The following LYRM4 variants were observed in gnomAD, a reference collection of about 807,000 sequenced individuals.
LYRM4 encodes LYR motif containing 4, also known as LYR motif-containing protein 4.
Under a neutral mutation model 11.7 loss-of-function variants are expected in LYRM4, and 9 were observed. The observed-to-expected ratio is 0.77, with a 90% CI of 0.46 to 1.34. The LOEUF (loss-of-function observed/expected upper bound fraction) is 1.34, where lower values mean the gene tolerates loss of function less well. Ranked by LOEUF, LYRM4 falls within the 40% of genes most tolerant of loss-of-function variation. The pLI is 0.00. For missense variants in LYRM4, 133 were observed against 112.5 expected, an observed-to-expected ratio of 1.18 and a Z score of -0.82; for synonymous variants, 42 against 40.4, an observed-to-expected ratio of 1.04 and a Z score of -0.15.
intron 2 of LYRM4, among the ~76,000 whole-genome samples, chr6:5,123,495 C>T (rs1763558563): frequency 6.6e-6 from 1 of 152,236 alleles, no homozygotes; most frequent in Admixed American, 6.5e-5. Flanking sequence ...ATAAGCACTT[C>T]TGGGGGAAGG....
At chr6:5,142,857 T>A (rs1002625371) in intron 2 of LYRM4, among the ~76,000 whole-genome samples, 1 of 152,200 alleles carries the variant, frequency 6.6e-6, no homozygotes, top group Non-Finnish European at 1.5e-5. Flanking sequence ...TGGAATGCCT[T>A]TCCCTAAGGA....
intron 2 of LYRM4, among the ~76,000 whole-genome samples, chr6:5,157,677 C>A (rs549249987): frequency 6.6e-6 from 1 of 151,420 alleles, no homozygotes; most frequent in African/African-American, 2.4e-5. Context: ...AATGAAAACA[C>A]GAAAGATGGC....
chr6:5,043,328 T>A, the LYRM4 span: 3 of 152,248 alleles, frequency 2.0e-5, no homozygotes, highest in South Asian at 2.1e-4. Context: ...AAATTTCAAA[T>A]CTATTTCGTC....
the LYRM4 span, among the ~76,000 whole-genome samples, chr6:5,052,551 C>T: frequency 2.0e-5 from 3 of 152,124 alleles, no homozygotes; most frequent in Non-Finnish European, 4.4e-5. Context: ...GCCTTGGCCT[C>T]CCAAAGTGCT....
chr6:5,206,168 G>A (rs2127711943), intron 2 of LYRM4, among the ~76,000 whole-genome samples: 1 of 152,328 alleles, frequency 6.6e-6, no homozygotes, highest in East Asian at 1.9e-4. Flanking sequence ...ATTCACCAGG[G>A]TGTTTCTGGG....
chr6:5,077,702 A>G, the LYRM4 span, among the ~76,000 whole-genome samples: 1 of 152,204 alleles, frequency 6.6e-6, no homozygotes, highest in Admixed American at 6.5e-5. Context: ...ACTATATTCT[A>G]TTGGTCCCTT....
At chr6:5,222,112 T>C (rs1459637144) in intron 1 of LYRM4, among the ~76,000 whole-genome samples, 1 of 152,230 alleles carries the variant, frequency 6.6e-6, no homozygotes, top group Admixed American at 6.5e-5. Context: ...TTTCTGATAA[T>C]GTGAGCTCCT....
chr6:5,148,902 C>T (rs980876979), intron 2 of LYRM4, among the ~76,000 whole-genome samples: 4 of 152,188 alleles, frequency 2.6e-5, no homozygotes, highest in African/African-American at 9.6e-5. Context: ...AATTTTTCCC[C>T]TAGAACTCTA....
intron 1 of LYRM4, among the ~76,000 whole-genome samples, chr6:5,225,973 C>T (rs1032908598): frequency 1.3e-5 from 2 of 152,142 alleles, no homozygotes; most frequent in Non-Finnish European, 2.9e-5. Flanking sequence ...TCTATTTGTA[C>T]TTCTGTTTAT....
chr6:5,044,247 C>T, the LYRM4 span, among the ~76,000 whole-genome samples: 4 of 152,136 alleles, frequency 2.6e-5, no homozygotes, highest in Admixed American at 6.5e-5. Context: ...TCTCCTGCCT[C>T]GGCCTCCCGA....
At chr6:5,171,968 A>G (rs1019751254) in intron 2 of LYRM4, among the ~76,000 whole-genome samples, 1 of 152,210 alleles carries the variant, frequency 6.6e-6, no homozygotes, top group South Asian at 2.1e-4. Context: ...GTCCATAAAC[A>G]TAACAGTGAC....
At chr6:5,116,089 T>C (rs574593307) in intron 2 of LYRM4, among the ~76,000 whole-genome samples, 1 of 152,248 alleles carries the variant, frequency 6.6e-6, no homozygotes, top group East Asian at 1.9e-4. Flanking sequence ...ATCAGTCCCA[T>C]ACTCCATGGT....
At chr6:5,050,742 C>T in the LYRM4 span, among the ~76,000 whole-genome samples, 1 of 152,086 alleles carries the variant, frequency 6.6e-6, no homozygotes, top group African/African-American at 2.4e-5. Flanking sequence ...CAGAGAGTTA[C>T]AGAGTTACAT....
chr6:5,119,270 T>C (rs1763292517), intron 2 of LYRM4, among the ~76,000 whole-genome samples: 1 of 152,124 alleles, frequency 6.6e-6, no homozygotes, highest in South Asian at 2.1e-4. Flanking sequence ...ATATGTTTCG[T>C]CTTTGCTTGT....
chr6:5,171,996 G>A (rs1759456637), intron 2 of LYRM4, among the ~76,000 whole-genome samples: 1 of 152,146 alleles, frequency 6.6e-6, no homozygotes, highest in East Asian at 1.9e-4. Flanking sequence ...TGGCAATAGA[G>A]GGTCATGGAC....
intron 1 of LYRM4, among the ~76,000 whole-genome samples, chr6:5,234,044 C>T (rs567682609): frequency 9.2e-5 from 14 of 152,272 alleles, no homozygotes; most frequent in South Asian, 4.1e-4. Flanking sequence ...TGGTTTAAAA[C>T]GGGTCACCAC....
chr6:5,255,999 T>G (rs1246278154), intron 1 of LYRM4, among the ~76,000 whole-genome samples: 1 of 151,996 alleles, frequency 6.6e-6, no homozygotes, highest in Middle Eastern at 3.2e-3. Flanking sequence ...CCTAAGTACT[T>G]GATGTGTATT....
rs1759603201 is a variant in LYRM4 at position 5,174,422 on chromosome 6, C to A, written c.207+42196G>T. The stretch of plus-strand genomic sequence containing the variant: ...GCATCTGTCCTGCTTCCGGCTCCAA[C>A]CAGAAGTGGTAATGAGGAGAGACAG... On this transcript the variant is annotated intron_variant, in intron 2 of 2. Coordinates refer to ENST00000330636, the MANE Select transcript of LYRM4 (RefSeq NM_020408.6). Among the ~76,000 whole-genome samples the A allele has an allele frequency of 2.6e-5, 4 of 152,104 alleles. No homozygotes were observed. The South Asian group carries it at 8.3e-4, about 32-fold the overall frequency.
At chr6:5,217,611 A>C (rs1008061256) in intron 1 of LYRM4, among the ~76,000 whole-genome samples, 1 of 152,222 alleles carries the variant, frequency 6.6e-6, no homozygotes, top group Non-Finnish European at 1.5e-5. Flanking sequence ...ACATAGAAAG[A>C]CTCAATAAAT....
Sources: allele counts gnomAD v4.1 joint callset (sites outside exome capture counted in the v4.1 genomes callset), GRCh38; gene constraint gnomAD v4.1.1; transcripts MANE v1.5; gene names NCBI Gene and HGNC (gene_info 2026-07-23, HGNC 2026-07-21).